BABAM2: variants seen among roughly 807,000 people sequenced by gnomAD.
The protein encoded by BABAM2 is BRISC and BRCA1 A complex member 2.
BABAM2 carries 31 observed loss-of-function variants against 54.7 expected under a neutral mutation model. The ratio of observed to expected loss-of-function variants is 0.57; its 90% CI spans 0.43 to 0.77. The LOEUF (loss-of-function observed/expected upper bound fraction) is 0.77. Ranked by LOEUF, BABAM2 falls within the 30% of genes least tolerant of loss-of-function variation. BABAM2 has a pLI of 0.00. For missense variants in BABAM2, 364 were observed against 455.8 expected, an observed-to-expected ratio of 0.80 and a Z score of 1.83; for synonymous variants, 167 against 162.9, an observed-to-expected ratio of 1.03 and a Z score of -0.19.
intron 7 of BABAM2, among the ~76,000 whole-genome samples, chr2:28,151,331 G>A (rs769047278): frequency 3.9e-5 from 6 of 152,122 alleles, no homozygotes; most frequent in Non-Finnish European, 7.3e-5. Flanking sequence ...CCAGCACTTT[G>A]GGAGGCCAAG....
intron 7 of BABAM2, among the ~76,000 whole-genome samples, chr2:28,141,997 A>G (rs565805469): frequency 1.3e-5 from 2 of 152,274 alleles, no homozygotes; most frequent in East Asian, 3.9e-4. Context: ...AGTTTGGTGT[A>G]AGTAGGCAGT....
intron 10 of BABAM2, among the ~76,000 whole-genome samples, chr2:28,258,570 G>A (rs974844095): frequency 6.2e-5 from 9 of 145,840 alleles, no homozygotes; most frequent in Admixed American, 6.1e-4. Flanking sequence ...ATTCGGGTAA[G>A]TTAATTTGTG....
intron 10 of BABAM2, among the ~76,000 whole-genome samples, chr2:28,298,069 G>A (rs1475193458): frequency 2.6e-5 from 4 of 152,146 alleles, no homozygotes; most frequent in African/African-American, 7.2e-5. Context: ...CCATTTCAAA[G>A]CATTCTTACA....
chr2:27,925,874 G>A (rs929262665), intron 2 of BABAM2, among the ~76,000 whole-genome samples: 6 of 152,194 alleles, frequency 3.9e-5, no homozygotes, highest in African/African-American at 1.4e-4. Context: ...CCACATCACA[G>A]AACACTGTCT....
intron 4 of BABAM2, among the ~76,000 whole-genome samples, chr2:27,994,327 A>G (rs1672983670): frequency 6.6e-6 from 1 of 152,232 alleles, no homozygotes. Context: ...AACTATTATT[A>G]ACAAATAACA....
At chr2:28,148,789 T>C (rs1671745299) in intron 7 of BABAM2, among the ~76,000 whole-genome samples, 1 of 152,234 alleles carries the variant, frequency 6.6e-6, no homozygotes, top group South Asian at 2.1e-4. Context: ...TTTTCCTCCT[T>C]GCTTATGAAA....
At chr2:27,981,805 G>T (rs2148473243) in intron 3 of BABAM2, among the ~76,000 whole-genome samples, 1 of 152,246 alleles carries the variant, frequency 6.6e-6, no homozygotes, top group East Asian at 1.9e-4. Context: ...TGTGCATAAT[G>T]CTGGTACAAA....
chr2:28,231,849 C>T (rs369988682), intron 7 of BABAM2, among the ~76,000 whole-genome samples: 1 of 122,164 alleles, frequency 8.2e-6, no homozygotes, highest in African/African-American at 3.1e-5. Context: ...AATCAGTCAC[C>T]CAGGCTAGAG....
chr2:27,965,602 A>G (rs1438462091), intron 3 of BABAM2, among the ~76,000 whole-genome samples: 1 of 152,166 alleles, frequency 6.6e-6, no homozygotes, highest in Non-Finnish European at 1.5e-5. Flanking sequence ...AATCAATGCT[A>G]ATCCTTAAAT....
chr2:27,902,928 A>G (rs1001456968), intron 2 of BABAM2, among the ~76,000 whole-genome samples: 3 of 141,358 alleles, frequency 2.1e-5, no homozygotes, highest in Non-Finnish European at 4.8e-5. Context: ...TGTGTGTGAG[A>G]GAGAGAGAGA....
intron 5 of BABAM2, among the ~76,000 whole-genome samples, chr2:28,042,359 A>G (rs184440330): frequency 6.6e-6 from 1 of 152,200 alleles, no homozygotes; most frequent in South Asian, 2.1e-4. Context: ...AAATAAAGAA[A>G]AGGGTCTTAG....
At chr2:28,185,180 C>T (rs1676147992) in intron 7 of BABAM2, among the ~76,000 whole-genome samples, 1 of 152,252 alleles carries the variant, frequency 6.6e-6, no homozygotes, top group East Asian at 1.9e-4. Flanking sequence ...TTTAAAGTAA[C>T]ATTAATATAT....
chr2:28,224,333 C>T (rs543553976), intron 7 of BABAM2, among the ~76,000 whole-genome samples: 1 of 152,244 alleles, frequency 6.6e-6, no homozygotes, highest in South Asian at 2.1e-4. Context: ...TTACATATTG[C>T]ACACATTTTT....
chr2:28,021,390 G>A (rs1331597878), intron 4 of BABAM2, among the ~76,000 whole-genome samples: 2 of 152,150 alleles, frequency 1.3e-5, no homozygotes, highest in Admixed American at 1.3e-4. Context: ...GCCCTGTGTG[G>A]GGGAAAGTAT....
intron 4 of BABAM2, among the ~76,000 whole-genome samples, chr2:28,000,868 C>G (rs1673531549): frequency 6.6e-6 from 1 of 152,278 alleles, no homozygotes; most frequent in South Asian, 2.1e-4. Flanking sequence ...ATGCCCCCAT[C>G]ATTATAGATG....
chr2:27,999,492 G>T (rs1268348059), intron 4 of BABAM2, among the ~76,000 whole-genome samples: 1 of 152,168 alleles, frequency 6.6e-6, no homozygotes, highest in African/African-American at 2.4e-5. Context: ...GGTTACAAAA[G>T]TAGGTTGAAG....
chr2:28,320,693 C>T (rs1037444258), intron 11 of BABAM2, among the ~76,000 whole-genome samples: 3 of 152,248 alleles, frequency 2.0e-5, no homozygotes, highest in African/African-American at 7.2e-5. Context: ...CAGAGCCTTG[C>T]CCTTCCTGCT....
chr2:27,904,667 C>T (rs1666067857), intron 2 of BABAM2, among the ~76,000 whole-genome samples: 1 of 152,078 alleles, frequency 6.6e-6, no homozygotes, highest in South Asian at 2.1e-4. Context: ...TTTTTTAAAG[C>T]TATAATTAAT....
At chr2:28,233,431 CT>C in intron 7 of BABAM2, 2 of 368,158 alleles carry the variant, frequency 5.4e-6, no homozygotes, top group Non-Finnish European at 1.1e-5. Flanking sequence ...ATCACAAGGC[CT>C]TACCACCATC....
Sources: allele counts gnomAD v4.1 joint callset (sites outside exome capture counted in the v4.1 genomes callset), GRCh38; gene constraint gnomAD v4.1.1; transcripts MANE v1.5; gene names NCBI Gene and HGNC (gene_info 2026-07-23, HGNC 2026-07-21).